CFAP54: variants seen among roughly 807,000 people sequenced by gnomAD.
The protein encoded by CFAP54 is cilia and flagella associated protein 54.
A neutral mutation model predicts 370.4 loss-of-function variants in CFAP54; 290 were observed. That is an observed-to-expected ratio of 0.78 (90% CI 0.71 to 0.86). The LOEUF is 0.86. Ranked by LOEUF, CFAP54 falls within the 40% of genes least tolerant of loss-of-function variation. CFAP54 has a pLI of 0.00. For missense variants in CFAP54, 3,399 were observed against 3,528.7 expected, an observed-to-expected ratio of 0.96 and a Z score of 0.93; for synonymous variants, 1,206 against 1,236.5, an observed-to-expected ratio of 0.98 and a Z score of 0.52.
In CFAP54 at chr12:96,520,521, T is replaced by G. The variant is rs537985517; in HGVS notation, c.943-1336T>G. ...GAGTGAAACTCCATCTCAAAAAAAT[T>G]TATATATATATAAATTTATATATGT... On this transcript the variant is annotated intron_variant, in intron 6 of 67. Transcript: ENST00000524981. Among the ~76,000 whole-genome samples the G allele has an allele frequency of 3.7e-3, 556 of 152,038 alleles. 4 individuals are homozygous for G. The highest frequency in any genetic ancestry group is 0.011 in the African/African-American group (472 of 41,484).
chr12:96,720,235 G>A (rs998893980), intron 49 of CFAP54, among the ~76,000 whole-genome samples, 170 bp from the exon 50 acceptor site: 3 of 152,180 alleles, frequency 2.0e-5, no homozygotes, highest in African/African-American at 7.2e-5. Flanking sequence ...GTTTTCTGTT[G>A]CCTTTTTCCT....
chr12:96,853,055 A>ATT lies in CFAP54; in HGVS notation c.9172-7760_9172-7759dup, dbSNP rs1959596212. 2.0e-5 allele frequency among the ~76,000 whole-genome samples: 3 copies of ATT among 152,168 alleles called. No homozygotes were observed. The South Asian group carries it at 6.2e-4, about 31-fold the overall frequency. On this transcript the variant is annotated intron_variant, in intron 66 of 67. Transcript: ENST00000524981. Reference sequence around the variant, plus strand: ...GTACATTATTTTTAGATATCCAATTATTTTTAGATATCAGCTTAAAGAGGA... The same window carrying ATT: ...GTACATTATTTTTAGATATCCAATTATTTTTTTAGATATCAGCTTAAAGAGGA...
chr12:96,670,338 A>T (rs1268727699), intron 39 of CFAP54, among the ~76,000 whole-genome samples: 1 of 152,224 alleles, frequency 6.6e-6, no homozygotes, highest in Non-Finnish European at 1.5e-5. Context: ...AGGGACTCTT[A>T]TGAATGCTTT....
rs1055619361 is a variant in CFAP54, at chr12:96,597,841, G to A, written c.3517-804G>A. ...CACATGTATGTATTTATATTTATAT[G>A]AGCTTCGGGAAAACTCCAAAACTAC... On this transcript the variant is annotated intron_variant, in intron 25 of 67. Transcript: ENST00000524981. Among the ~76,000 whole-genome samples the A allele has an allele frequency of 4.0e-5, 6 of 151,822 alleles. No homozygotes were observed. In the East Asian group the frequency reaches 9.7e-4, roughly 24 times the overall value.
chr12:96,856,022 G>A (rs781690777), intron 66 of CFAP54, among the ~76,000 whole-genome samples: 1 of 152,112 alleles, frequency 6.6e-6, no homozygotes, highest in Non-Finnish European at 1.5e-5. Flanking sequence ...CTTTAGTTCT[G>A]TGCACCCACA....
At chr12:96,798,921 C>G (rs1003599627) in intron 63 of CFAP54, among the ~76,000 whole-genome samples, 4 of 152,068 alleles carry the variant, frequency 2.6e-5, no homozygotes, top group African/African-American at 9.7e-5. Context: ...CTGTGCCTAA[C>G]CAGCGAATTA....
chr12:96,864,494 G>T (rs145157624), intron 67 of CFAP54, among the ~76,000 whole-genome samples: 3 of 152,112 alleles, frequency 2.0e-5, no homozygotes, highest in Non-Finnish European at 4.4e-5. Flanking sequence ...CAACGTGTTC[G>T]TCACAGAACT....
At chr12:96,620,478 G>A (rs535740805) in intron 26 of CFAP54, among the ~76,000 whole-genome samples, 12 of 152,270 alleles carry the variant, frequency 7.9e-5, no homozygotes, top group African/African-American at 2.2e-4. Context: ...ACCTTCAGCC[G>A]TGATTGTGAG....
chr12:96,840,458 C>T (rs780067184), intron 66 of CFAP54, among the ~76,000 whole-genome samples: 2 of 152,108 alleles, frequency 1.3e-5, no homozygotes, highest in Non-Finnish European at 2.9e-5. Flanking sequence ...TTCTTTGAAA[C>T]AAGATTTCCC....
chr12:96,739,870 T>A, intron 50 of CFAP54, 86 bp from the exon 51 acceptor site: 2 of 829,136 alleles, frequency 2.4e-6, no homozygotes, highest in Non-Finnish European at 3.7e-6. Flanking sequence ...TGTGAGAATG[T>A]TTTTTGGAGA....
At chr12:96,504,657 T>TTA in intron 3 of CFAP54, among the ~76,000 whole-genome samples, 1 of 152,232 alleles carries the variant, frequency 6.6e-6, no homozygotes, top group Non-Finnish European at 1.5e-5. Flanking sequence ...GTTTGAACCC[T>TTA]GATCAGTCTG....
At chr12:96,661,698 CA>C (rs1404300384) in intron 38 of CFAP54, among the ~76,000 whole-genome samples, 1 of 152,146 alleles carries the variant, frequency 6.6e-6, no homozygotes, top group Non-Finnish European at 1.5e-5. Context: ...TTAGTATCTG[CA>C]AAATCCCTTC....
chr12:96,546,289 C>A (rs1014274061), intron 14 of CFAP54, among the ~76,000 whole-genome samples: 2 of 152,132 alleles, frequency 1.3e-5, no homozygotes, highest in Non-Finnish European at 2.9e-5. Flanking sequence ...TATGCAGGGA[C>A]CCCCCACTCC....
At chr12:96,596,649 G>A (rs749228028) in intron 25 of CFAP54, among the ~76,000 whole-genome samples, 12 of 151,984 alleles carry the variant, frequency 7.9e-5, no homozygotes, top group Non-Finnish European at 1.3e-4. Context: ...TGTGCAGTCC[G>A]GGGTTTGGGG....
intron 55 of CFAP54, among the ~76,000 whole-genome samples, chr12:96,745,738 AT>A (rs1022882614): frequency 9.9e-5 from 15 of 151,990 alleles, no homozygotes; most frequent in African/African-American, 2.2e-4. Flanking sequence ...GGTGATATTC[AT>A]TTTTTTTGGA....
At chr12:96,774,146 G>A (rs941719626) in intron 60 of CFAP54, among the ~76,000 whole-genome samples, 14 of 151,746 alleles carry the variant, frequency 9.2e-5, no homozygotes, top group Admixed American at 3.3e-4. Flanking sequence ...AATCTTTCCC[G>A]ATTAAAAAAA....
At position 96,554,187 on chromosome 12, in the gene CFAP54, T is replaced by G; in HGVS notation, c.2160T>G (p.Asn720Lys). 6.7e-7 allele frequency: 1 copy of G among 1,485,192 alleles called. No individual in the cohort carries two copies. The highest frequency in any genetic ancestry group is 8.9e-7 in the Non-Finnish European group (1 of 1,125,254). 92.0% of individuals were successfully genotyped at this position (1,485,192 alleles called of 1,614,324 possible). The change falls in exon 16 of 68, where the codon AAT (asparagine) becomes AAG (lysine). Residue 720 changes from asparagine to lysine, a missense_variant. By Grantham distance (94) the Asn-to-Lys change is moderately conservative (BLOSUM62 0). Around this residue, in one of 3 missense-constraint regions of CFAP54, gnomAD observed 2,796 missense variants for 2,869.7 expected, o/e 0.97. Coordinates refer to ENST00000524981, the MANE Select transcript of CFAP54 (RefSeq NM_001306084.2). ...ITEILPILQK[N>K]PVEQLLFAYK... ...TGTTTATAAAATTATTTTAGAAAAA[T>G]CCTGTGGAACAGTTACTTTTTGCTT...
intron 63 of CFAP54, among the ~76,000 whole-genome samples, chr12:96,799,595 A>G (rs73383040): frequency 0.031 from 4,691 of 152,256 alleles, 237 homozygotes; most frequent in African/African-American, 0.1. Flanking sequence ...CTCTTGGTCA[A>G]TTATAATTCT....
chr12:96,726,223 A>G (rs569861182), intron 50 of CFAP54, among the ~76,000 whole-genome samples: 21 of 151,076 alleles, frequency 1.4e-4, no homozygotes, highest in Admixed American at 4.6e-4. Context: ...CTCTTTTTCT[A>G]TTGATTGGAA....
Sources: allele counts gnomAD v4.1 joint callset (sites outside exome capture counted in the v4.1 genomes callset), GRCh38; gene constraint gnomAD v4.1.1; regional missense constraint gnomAD v4.1.1; transcripts MANE v1.5; gene names NCBI Gene and HGNC (gene_info 2026-07-23, HGNC 2026-07-21).